The following CNTN5 variants were observed in gnomAD, a reference collection of about 807,000 sequenced individuals.
The protein encoded by CNTN5 is contactin-5.
CNTN5 carries 77 observed loss-of-function variants against 129.1 expected under a neutral mutation model. The ratio of observed to expected loss-of-function variants is 0.60; its 90% CI spans 0.50 to 0.72. The LOEUF (loss-of-function observed/expected upper bound fraction) is 0.72. CNTN5 is among the 30% of genes least tolerant of loss of function. The probability of loss-of-function intolerance (pLI) is 0.00; values close to 1 mark genes in which losing one functional copy is unlikely to be tolerated. For missense variants in CNTN5, 1,478 were observed against 1,328.8 expected (o/e 1.11, Z -1.75); for synonymous variants, 509 against 465.6 (o/e 1.09, Z -1.20).
intron 3 of CNTN5, among the ~76,000 whole-genome samples, chr11:99,665,478 ATTTTTTTTTTTTTT>A (rs34435537): frequency 5.8e-4 from 38 of 65,930 alleles, no homozygotes; most frequent in Non-Finnish European, 8.4e-4. Context: ...TGAAACTACA[ATTTTTTTTTTTTTT>A]TTTTTTTTTT....
At chr11:100,285,987 G>A (rs1162516851) in intron 18 of CNTN5, among the ~76,000 whole-genome samples, 2 of 152,224 alleles carry the variant, frequency 1.3e-5, no homozygotes, top group Admixed American at 6.5e-5. Context: ...GTCAAAGAAA[G>A]GGGTGACAGA....
At chr11:100,036,127 C>T (rs1429288137) in intron 9 of CNTN5, among the ~76,000 whole-genome samples, 5 of 152,240 alleles carry the variant, frequency 3.3e-5, no homozygotes, top group Middle Eastern at 3.4e-3. Context: ...TTTAATCCAT[C>T]TTGAATTATT....
chr11:99,977,465 G>C (rs577442420), intron 8 of CNTN5, among the ~76,000 whole-genome samples: 2 of 152,270 alleles, frequency 1.3e-5, no homozygotes, highest in Admixed American at 6.5e-5. Flanking sequence ...AGCTACCTGA[G>C]ACTTGGTAAT....
At chr11:99,964,863 T>G (rs1264855150) in intron 8 of CNTN5, among the ~76,000 whole-genome samples, 2 of 152,196 alleles carry the variant, frequency 1.3e-5, no homozygotes, top group Admixed American at 6.5e-5. Context: ...ATTCAGAGAT[T>G]CAACTTCTTC....
chr11:100,352,223 T>G (rs1424889180), intron 24 of CNTN5, among the ~76,000 whole-genome samples: 1 of 151,696 alleles, frequency 6.6e-6, no homozygotes, highest in Non-Finnish European at 1.5e-5. Context: ...TATATGTCCA[T>G]GTGTTCTCAT....
intron 3 of CNTN5, among the ~76,000 whole-genome samples, chr11:99,789,484 A>C (rs1282477873): frequency 1.3e-5 from 2 of 152,056 alleles, no homozygotes; most frequent in East Asian, 1.9e-4. Context: ...GCAATAAACT[A>C]TCATGGAATA....
chr11:99,795,304 C>G (rs1945893292), intron 3 of CNTN5, among the ~76,000 whole-genome samples: 1 of 152,062 alleles, frequency 6.6e-6, no homozygotes, highest in African/African-American at 2.4e-5. Context: ...GCATTTTTGT[C>G]TTTTGTCTTC....
intron 1 of CNTN5, among the ~76,000 whole-genome samples, chr11:99,269,345 C>A (rs1457625509): frequency 1.3e-5 from 2 of 149,278 alleles, no homozygotes; most frequent in East Asian, 3.9e-4. Context: ...TTATTTGTTC[C>A]CTGATTTTTT....
intron 1 of CNTN5, among the ~76,000 whole-genome samples, chr11:99,076,252 T>A (rs1319540178): frequency 6.6e-6 from 1 of 152,042 alleles, no homozygotes; most frequent in African/African-American, 2.4e-5. Flanking sequence ...GGAGAATCAC[T>A]TGAACCTGGG....
chr11:99,790,821 C>T (rs529937705), intron 3 of CNTN5, among the ~76,000 whole-genome samples: 13 of 152,178 alleles, frequency 8.5e-5, no homozygotes, highest in Admixed American at 1.3e-4. Flanking sequence ...TCTGCAACCT[C>T]GCCAGCATGT....
chr11:99,898,459 C>A (rs1416812405), intron 6 of CNTN5, among the ~76,000 whole-genome samples: 2 of 151,960 alleles, frequency 1.3e-5, no homozygotes, highest in East Asian at 3.9e-4. Context: ...ACTAGAAAAC[C>A]TGAAGACGTA....
chr11:100,204,259 G>T (rs1948856506), intron 15 of CNTN5, among the ~76,000 whole-genome samples: 1 of 119,490 alleles, frequency 8.4e-6, no homozygotes, highest in Non-Finnish European at 1.7e-5. Flanking sequence ...CTAAAAACTA[G>T]CCATTTAGAG....
At chr11:99,973,417 G>C (rs1470726730) in intron 8 of CNTN5, among the ~76,000 whole-genome samples, 1 of 152,068 alleles carries the variant, frequency 6.6e-6, no homozygotes, top group Non-Finnish European at 1.5e-5. Context: ...GGTGATAGTT[G>C]TTCTTTCCAC....
chr11:99,027,440 C>A (rs1863157911), intron 1 of CNTN5, among the ~76,000 whole-genome samples: 1 of 151,512 alleles, frequency 6.6e-6, no homozygotes, highest in Non-Finnish European at 1.5e-5. Flanking sequence ...GAATATATCT[C>A]TTGAAATATG....
intron 2 of CNTN5, among the ~76,000 whole-genome samples, chr11:99,337,259 G>C (rs1202359003): frequency 1.3e-5 from 2 of 152,236 alleles, no homozygotes; most frequent in East Asian, 3.9e-4. Flanking sequence ...AGCTCGGTCG[G>C]GGAGACCCTA....
intron 15 of CNTN5, among the ~76,000 whole-genome samples, chr11:100,215,914 G>A (rs1366467802): frequency 2.0e-5 from 3 of 152,152 alleles, no homozygotes; most frequent in Non-Finnish European, 2.9e-5. Flanking sequence ...AGCTCTTCTA[G>A]TTTTATGGGA....
chr11:100,234,527 C>G (rs118074514), intron 16 of CNTN5, among the ~76,000 whole-genome samples: 12,740 of 151,884 alleles, frequency 0.084, 675 homozygotes, highest in Middle Eastern at 0.18. Flanking sequence ...TTATTCTCAG[C>G]TAACTAACAC....
At chr11:99,140,321 A>G (rs1052041122) in intron 1 of CNTN5, among the ~76,000 whole-genome samples, 1 of 152,176 alleles carries the variant, frequency 6.6e-6, no homozygotes. Flanking sequence ...TAGTGAGCAT[A>G]GTACATACTA....
At chr11:99,890,985 C>G (rs1324108445) in intron 6 of CNTN5, among the ~76,000 whole-genome samples, 1 of 151,802 alleles carries the variant, frequency 6.6e-6, no homozygotes, top group African/African-American at 2.4e-5. Context: ...AATAACTGAC[C>G]AAAACTGCAA....
Sources: gnomAD v4.1 joint callset for allele counts (sites outside exome capture counted in the v4.1 genomes callset) on GRCh38, gnomAD v4.1.1 for gene constraint, MANE v1.5 for transcripts, NCBI Gene and HGNC (gene_info 2026-07-23, HGNC 2026-07-21) for gene names.